The following PPP2R2C variants were observed in gnomAD, a reference collection of about 807,000 sequenced individuals.
PPP2R2C encodes the protein protein phosphatase 2, regulatory subunit B, gamma.
In PPP2R2C, 10 loss-of-function variants were observed where a neutral mutation model predicts 45.3. The ratio of observed to expected loss-of-function variants is 0.22; its 90% CI spans 0.14 to 0.37. The LOEUF (loss-of-function observed/expected upper bound fraction) is 0.37. Among genes scored for constraint, PPP2R2C ranks in the 10% least tolerant of loss-of-function variants. The pLI, the probability that PPP2R2C is intolerant of heterozygous loss-of-function variation, is 1.00. For missense variants in PPP2R2C, 308 were observed against 619.7 expected (o/e 0.50, Z 5.34); for synonymous variants, 257 against 245.4 (o/e 1.05, Z -0.44).
chr4:6,335,600 C>G (rs1477496632), intron 6 of PPP2R2C, among the ~76,000 whole-genome samples: 1 of 152,038 alleles, frequency 6.6e-6, no homozygotes, highest in African/African-American at 2.4e-5. Context: ...AAATCTGAGT[C>G]AAGGAGGTAG....
chr4:6,519,116 G>A (rs563818620), intron 2 of PPP2R2C, among the ~76,000 whole-genome samples: 4 of 152,154 alleles, frequency 2.6e-5, no homozygotes, highest in Non-Finnish European at 5.9e-5. Context: ...AGAATGGAGA[G>A]GATAGTGAGC....
chr4:6,502,064 C>A (rs367930403), intron 2 of PPP2R2C, among the ~76,000 whole-genome samples: 3 of 152,340 alleles, frequency 2.0e-5, no homozygotes, highest in South Asian at 2.1e-4. Flanking sequence ...TAGGAACCAG[C>A]CTGTTCCACG....
chr4:6,510,300 G>A (rs1179389622), intron 2 of PPP2R2C, among the ~76,000 whole-genome samples: 1 of 152,032 alleles, frequency 6.6e-6, no homozygotes, highest in East Asian at 1.9e-4. Flanking sequence ...CTGGAGCAAG[G>A]CTGACCAGCT....
Position 6,381,033 on chromosome 4 carries a change from C to T in PPP2R2C, c.132G>A (p.Lys44=). ...GCTGGAAGATGACGACCCGGCCGCCCTTGTCACCTGTGGCCAGCAGCTCTC... is the reference window on the plus strand; with the variant it reads ...GCTGGAAGATGACGACCCGGCCGCCTTTGTCACCTGTGGCCAGCAGCTCTC... ...HTGELLATGD[K]GGRVVIFQRE... is the part of the protein sequence containing the mutation. The change falls in exon 2 of 9, where the codon AAG becomes AAA. Residue 44 remains lysine, a synonymous_variant. Transcript: ENST00000382599. 1 of 1,569,684 alleles carries T rather than the reference C, an allele frequency of 6.4e-7. No individual in the cohort carries two copies. Among genetic ancestry groups the T allele is most frequent in the African/African-American group, 1.3e-5 (1 of 74,358 alleles).
At position 6,364,464 on chromosome 4, in the gene PPP2R2C, G is replaced by T. The variant is rs1426225412; in HGVS notation, c.625+8059C>A. 1.3e-5 allele frequency among the ~76,000 whole-genome samples: 2 copies of T among 152,112 alleles called. No individual in the cohort carries two copies. Among genetic ancestry groups the T allele is most frequent in the Admixed American group, 6.5e-5 (1 of 15,286 alleles). Reference sequence around the variant, plus strand: ...AAGTTGCTGAAGGGTTCTGAGCAAGGAGTGACATGATCTTGTCGTTTTTTT... The same window carrying T: ...AAGTTGCTGAAGGGTTCTGAGCAAGTAGTGACATGATCTTGTCGTTTTTTT... On this transcript the variant is annotated intron_variant, in intron 5 of 8. Transcript: ENST00000382599. The surrounding 1 kb of genome is among the most constrained non-coding windows in gnomAD (Gnocchi z 5.3).
chr4:6,341,681 A>G (rs1160512231), intron 6 of PPP2R2C, among the ~76,000 whole-genome samples: 1 of 152,192 alleles, frequency 6.6e-6, no homozygotes, highest in Non-Finnish European at 1.5e-5. Context: ...GATGGGCCCA[A>G]TGTCATCACA....
Position 6,367,655 on chromosome 4 carries a change from C to A in PPP2R2C, c.625+4868G>T, listed in dbSNP as rs867578489. On this transcript the variant is annotated intron_variant, in intron 5 of 8. Transcript: ENST00000382599. ...CTCTCATTACTCGGCTGCTATCAGT[C>A]CTCATCGCAGCACCTGCAGCCCACA... Among the ~76,000 whole-genome samples, 4 of 152,300 alleles carry A rather than the reference C, an allele frequency of 2.6e-5. No homozygotes were observed. The South Asian group carries it at 8.3e-4, about 32-fold the overall frequency.
At chr4:6,423,286 C>T (rs762649181) in intron 1 of PPP2R2C, among the ~76,000 whole-genome samples, 5 of 152,228 alleles carry the variant, frequency 3.3e-5, no homozygotes, top group Non-Finnish European at 5.9e-5. Flanking sequence ...TCACTGCAAC[C>T]TCTGCCTCCC....
chr4:6,488,373 G>A (rs1722595322), intron 2 of PPP2R2C, among the ~76,000 whole-genome samples: 1 of 152,136 alleles, frequency 6.6e-6, no homozygotes, highest in Admixed American at 6.5e-5. Flanking sequence ...CTGAGATGTA[G>A]TCAACACATT....
At chr4:6,537,006 C>G (rs181761168) in intron 1 of PPP2R2C, among the ~76,000 whole-genome samples, 1 of 152,148 alleles carries the variant, frequency 6.6e-6, no homozygotes, top group Non-Finnish European at 1.5e-5. Context: ...AGTTCGAGAC[C>G]AGCCTGGCCA....
chr4:6,346,185 C>G (rs192766960), intron 6 of PPP2R2C, among the ~76,000 whole-genome samples: 37 of 152,332 alleles, frequency 2.4e-4, no homozygotes, highest in African/African-American at 7.9e-4. Flanking sequence ...CGACCTCTGA[C>G]GCCTGCTCCC....
At chr4:6,402,194 C>G (rs1717462930) in intron 1 of PPP2R2C, among the ~76,000 whole-genome samples, 1 of 152,196 alleles carries the variant, frequency 6.6e-6, no homozygotes, top group South Asian at 2.1e-4. Flanking sequence ...GTGCCCTGCT[C>G]AGGGTCACAG....
At chr4:6,513,915 TA>T (rs1411988798) in intron 2 of PPP2R2C, among the ~76,000 whole-genome samples, 1 of 152,184 alleles carries the variant, frequency 6.6e-6, no homozygotes, top group Non-Finnish European at 1.5e-5. Context: ...CAGAATAACT[TA>T]AGGAAATATT....
intron 6 of PPP2R2C, among the ~76,000 whole-genome samples, chr4:6,336,343 C>T (rs1490240047): frequency 2.6e-5 from 4 of 152,070 alleles, no homozygotes; most frequent in Non-Finnish European, 5.9e-5. Flanking sequence ...AGAAAATCAG[C>T]ACCATGGGAA....
Position 6,378,121 on chromosome 4 carries a change from C to T in PPP2R2C, c.334+286G>A, listed in dbSNP as rs1236585018. Among the ~76,000 whole-genome samples the T allele has an allele frequency of 6.6e-6, 1 of 152,134 alleles. No individual in the cohort carries two copies. Among genetic ancestry groups the T allele is most frequent in the Non-Finnish European group, 1.5e-5 (1 of 68,020 alleles). On this transcript the variant is annotated intron_variant, in intron 3 of 8. Transcript: ENST00000382599. The surrounding 1 kb of genome is among the most constrained non-coding windows in gnomAD (Gnocchi z 5.2). ...TGGCTCTATTCACAGCAGGGGGCAGCCCTGTGTCTGGCCATGGGGAGCTTC... is the reference window on the plus strand; with the variant it reads ...TGGCTCTATTCACAGCAGGGGGCAGTCCTGTGTCTGGCCATGGGGAGCTTC...
At chr4:6,357,284 C>T (rs1456967002) in intron 5 of PPP2R2C, among the ~76,000 whole-genome samples, 5 of 152,194 alleles carry the variant, frequency 3.3e-5, no homozygotes, top group African/African-American at 9.6e-5. Context: ...TGGAGGGGCC[C>T]GGGGACCTGG....
At chr4:6,420,096 G>GA (rs1718860977) in intron 1 of PPP2R2C, among the ~76,000 whole-genome samples, 2 of 152,214 alleles carry the variant, frequency 1.3e-5, no homozygotes, top group African/African-American at 4.8e-5. Context: ...TATATTCTCA[G>GA]AGGTACAGAC....
chr4:6,426,031 G>A (rs916571135), intron 1 of PPP2R2C, among the ~76,000 whole-genome samples: 5 of 152,114 alleles, frequency 3.3e-5, no homozygotes, highest in African/African-American at 7.2e-5. Context: ...CTTCCCTCAT[G>A]GCTCTGATCC....
At chr4:6,421,367 T>C (rs1718949574) in intron 1 of PPP2R2C, among the ~76,000 whole-genome samples, 1 of 152,180 alleles carries the variant, frequency 6.6e-6, no homozygotes, top group South Asian at 2.1e-4. Context: ...TTTAAAAAGC[T>C]GGTTTTTCCA....
Sources: allele counts gnomAD v4.1 joint callset (sites outside exome capture counted in the v4.1 genomes callset), GRCh38; gene constraint gnomAD v4.1.1; non-coding constraint Gnocchi (gnomAD v3.1); transcripts MANE v1.5; gene names NCBI Gene and HGNC (gene_info 2026-07-23, HGNC 2026-07-21).